The following DLGAP1 variants were observed in gnomAD, a reference collection of about 807,000 sequenced individuals.
DLGAP1 encodes the protein disks large-associated protein 1.
A neutral mutation model predicts 90.8 loss-of-function variants in DLGAP1; 11 were observed. The ratio of observed to expected loss-of-function variants is 0.12; its 90% confidence interval spans 0.08 to 0.20. The LOEUF is 0.20. Among genes scored for constraint, DLGAP1 ranks in the 10% least tolerant of loss-of-function variants. DLGAP1 has a pLI of 1.00. For missense variants in DLGAP1, 1,050 were observed against 1,333.8 expected (o/e 0.79, Z 3.31); for synonymous variants, 558 against 540.7 (o/e 1.03, Z -0.44).
At chr18:3,547,074 G>T (rs1568170819) in intron 9 of DLGAP1, among the ~76,000 whole-genome samples, 1 of 152,008 alleles carries the variant, frequency 6.6e-6, no homozygotes, top group Non-Finnish European at 1.5e-5. Context: ...GGCCGTGGCA[G>T]GTGGATCACG....
At chr18:4,118,552 C>T (rs979262145) in intron 2 of DLGAP1, among the ~76,000 whole-genome samples, 2 of 152,122 alleles carry the variant, frequency 1.3e-5, no homozygotes, top group Non-Finnish European at 2.9e-5. Context: ...CTCTTAGTCA[C>T]CCCCGCCTAC....
intron 1 of DLGAP1, among the ~76,000 whole-genome samples, chr18:4,440,407 T>A (rs990222540): frequency 2.6e-5 from 4 of 152,206 alleles, no homozygotes; most frequent in Non-Finnish European, 5.9e-5. Context: ...ATTTTCAGTA[T>A]GGGACATTTG....
intron 9 of DLGAP1, among the ~76,000 whole-genome samples, chr18:3,555,819 TA>T (rs2053719601): frequency 3.3e-5 from 5 of 151,986 alleles, no homozygotes; most frequent in Admixed American, 3.3e-4. Flanking sequence ...TCAAAAAAAA[TA>T]AATAAATAAA....
chr18:3,643,834 C>T (rs962573887), intron 7 of DLGAP1, among the ~76,000 whole-genome samples: 7 of 152,172 alleles, frequency 4.6e-5, no homozygotes, highest in South Asian at 2.1e-4. Context: ...GAGAAACAGG[C>T]GCTTTCAACA....
intron 5 of DLGAP1, among the ~76,000 whole-genome samples, chr18:3,790,627 T>C (rs938586157): frequency 6.6e-6 from 1 of 152,194 alleles, no homozygotes; most frequent in Non-Finnish European, 1.5e-5. Flanking sequence ...ATTTTCATTA[T>C]CTAGTTGATT....
At chr18:3,749,640 C>A (rs2063420665) in intron 5 of DLGAP1, among the ~76,000 whole-genome samples, 1 of 152,162 alleles carries the variant, frequency 6.6e-6, no homozygotes, top group African/African-American at 2.4e-5. Context: ...TTATGCTAAT[C>A]ACTCCCAAAT....
intron 7 of DLGAP1, among the ~76,000 whole-genome samples, chr18:3,610,982 G>A (rs1171780551): frequency 6.8e-6 from 1 of 147,558 alleles, no homozygotes; most frequent in African/African-American, 2.5e-5. Flanking sequence ...AGCGAAATTT[G>A]TATGCCAGCC....
chr18:4,304,975 T>A lies in DLGAP1; in HGVS notation c.-267+150031A>T, dbSNP rs530538140. On this transcript the variant is annotated intron_variant, in intron 1 of 12. Transcript: ENST00000315677. ...TCATTGTGAACTTTGCTAACATTAT[T>A]CATTAAAAGTCATTCCTAACATTGT... Among the ~76,000 whole-genome samples the A allele has an allele frequency of 3.3e-4, 50 of 152,104 alleles. 1 individual carries two copies. The highest frequency in any genetic ancestry group is 3.1e-4 in the Non-Finnish European group (21 of 68,004).
At chr18:3,894,762 C>T (rs182414192) in intron 3 of DLGAP1, 1 of 152,300 alleles carries the variant, frequency 6.6e-6, no homozygotes, top group African/African-American at 2.4e-5. Context: ...CTAATCTTCT[C>T]TGTGTCATTC....
At chr18:3,643,608 A>G (rs1381629397) in intron 7 of DLGAP1, among the ~76,000 whole-genome samples, 3 of 139,980 alleles carry the variant, frequency 2.1e-5, no homozygotes, top group African/African-American at 8.1e-5. Context: ...GGTTGCAGTG[A>G]GCTGAGATCG....
intron 2 of DLGAP1, among the ~76,000 whole-genome samples, chr18:4,017,079 G>T (rs2074535545): frequency 6.6e-6 from 1 of 152,126 alleles, no homozygotes; most frequent in Admixed American, 6.5e-5. Context: ...TCACGTTTGG[G>T]TAGTCAAAAT....
At chr18:4,016,147 C>G (rs1467158314) in intron 2 of DLGAP1, among the ~76,000 whole-genome samples, 1 of 152,102 alleles carries the variant, frequency 6.6e-6, no homozygotes, top group East Asian at 1.9e-4. Flanking sequence ...CTTCTTTTCC[C>G]TAGAGACAGA....
intron 3 of DLGAP1, among the ~76,000 whole-genome samples, chr18:3,973,642 C>A (rs2073503292): frequency 6.6e-6 from 1 of 152,158 alleles, no homozygotes; most frequent in African/African-American, 2.4e-5. Context: ...AACTGAGAGT[C>A]TTTTCCAAAT....
intron 3 of DLGAP1, among the ~76,000 whole-genome samples, chr18:3,954,201 T>C (rs2073041856): frequency 6.6e-6 from 1 of 152,208 alleles, no homozygotes; most frequent in Non-Finnish European, 1.5e-5. Flanking sequence ...AATTAAGAGA[T>C]CAAGTATTTT....
intron 5 of DLGAP1, among the ~76,000 whole-genome samples, chr18:3,750,678 G>A (rs2063462266): frequency 6.6e-6 from 1 of 152,084 alleles, no homozygotes; most frequent in South Asian, 2.1e-4. Context: ...CTCTTACGGA[G>A]GCTCCTTGGG....
intron 1 of DLGAP1, among the ~76,000 whole-genome samples, chr18:4,206,606 T>C (rs914815843): frequency 2.6e-5 from 4 of 152,202 alleles, no homozygotes; most frequent in Admixed American, 1.3e-4. Flanking sequence ...TGGCTCTGCC[T>C]ACTGTCAGAT....
At chr18:3,663,942 T>C (rs1046677703) in intron 7 of DLGAP1, among the ~76,000 whole-genome samples, 15 of 152,298 alleles carry the variant, frequency 9.8e-5, no homozygotes, top group Middle Eastern at 6.8e-3. Context: ...TCTTGTCCAA[T>C]GAGTTGAAGT....
intron 1 of DLGAP1, among the ~76,000 whole-genome samples, chr18:4,339,100 T>G (rs515751): frequency 0.92 from 139,353 of 152,232 alleles, 63,841 homozygotes; most frequent in East Asian, 1. Flanking sequence ...TAGACTCACA[T>G]GAAACTGGGT....
intron 4 of DLGAP1, among the ~76,000 whole-genome samples, chr18:3,852,509 T>C (rs1008075471): frequency 1.3e-5 from 2 of 152,154 alleles, no homozygotes; most frequent in African/African-American, 4.8e-5. Context: ...TTTCCTCATG[T>C]TTTCTAGGGG....
Sources: allele counts gnomAD v4.1 joint callset (sites outside exome capture counted in the v4.1 genomes callset), GRCh38; gene constraint gnomAD v4.1.1; transcripts MANE v1.5; gene names NCBI Gene and HGNC (gene_info 2026-07-23, HGNC 2026-07-21).